Variants in THADA observed in about 807,000 individuals in gnomAD.
The protein encoded by THADA is tRNA (32-2'-O)-methyltransferase regulator THADA.
A neutral mutation model predicts 219.8 loss-of-function variants in THADA; 213 were observed. That is an observed-to-expected ratio of 0.97 (90% CI 0.87 to 1.09). THADA has a LOEUF of 1.09. Among genes scored for constraint, THADA ranks in the 50% least tolerant of loss-of-function variants. The pLI is 0.00. For synonymous variants in THADA, 1,018 were observed against 828.9 expected, an observed-to-expected ratio of 1.23 and a Z score of -3.92; for missense variants, 2,956 against 2,311.3, an observed-to-expected ratio of 1.28 and a Z score of -5.72.
At chr2:43,533,303 A>G (rs947890998) in intron 21 of THADA, among the ~76,000 whole-genome samples, 8 of 152,362 alleles carry the variant, frequency 5.3e-5, no homozygotes, top group African/African-American at 1.7e-4. Context: ...AGTGTAAATT[A>G]GTTCAACAGT....
At chr2:43,483,271 G>T (rs571772596) in intron 26 of THADA, among the ~76,000 whole-genome samples, 2 of 152,110 alleles carry the variant, frequency 1.3e-5, no homozygotes, top group African/African-American at 2.4e-5. Context: ...GATGAAAAAG[G>T]TCCTTCCTTC....
chr2:43,404,312 C>A (rs556506434), intron 28 of THADA, among the ~76,000 whole-genome samples: 2 of 152,126 alleles, frequency 1.3e-5, no homozygotes, highest in South Asian at 4.2e-4. Flanking sequence ...CCCACCTCAG[C>A]CTCCTGAATA....
chr2:43,293,031 C>A lies in THADA; in HGVS notation c.4621G>T (p.Val1541Phe), dbSNP rs760144479. 2.0e-5 allele frequency: 32 copies of A among 1,613,856 alleles called. 1 individual carries two copies. In the Middle Eastern group the frequency reaches 9.9e-4, roughly 50 times the overall value. ...AACAGCTGAGAGAAAGAGATGGGGA[C>A]ATTCGTCTCCCGCTCTCCACTCTTG... ...AAKSGERETN[V>F]PISFSQLLES... The change falls in exon 32 of 38, where the codon GTC becomes TTC. Residue 1541 changes from valine to phenylalanine, a missense_variant. By Grantham distance (50) the Val-to-Phe change is conservative (BLOSUM62 -1). Transcript: ENST00000405975.
At chr2:43,534,944 T>C (rs1694357132) in intron 21 of THADA, among the ~76,000 whole-genome samples, 1 of 152,142 alleles carries the variant, frequency 6.6e-6, no homozygotes, top group Admixed American at 6.5e-5. Context: ...GTAGCTATAC[T>C]AGTTTACACT....
intron 30 of THADA, among the ~76,000 whole-genome samples, chr2:43,334,954 C>T (rs930186533): frequency 1.3e-5 from 2 of 152,112 alleles, no homozygotes; most frequent in Non-Finnish European, 2.9e-5. Context: ...CTTCAGTAGC[C>T]TCAGCCCTCT....
chr2:43,363,569 T>C (rs1669765834), intron 29 of THADA, among the ~76,000 whole-genome samples: 1 of 152,226 alleles, frequency 6.6e-6, no homozygotes, highest in South Asian at 2.1e-4. Context: ...AGATTTCTCA[T>C]CTGATCCAGA....
chr2:43,341,108 C>T (rs534074741), intron 30 of THADA, among the ~76,000 whole-genome samples: 25 of 152,308 alleles, frequency 1.6e-4, no homozygotes, highest in Admixed American at 6.5e-4. Flanking sequence ...AGGCTCTGAA[C>T]ACATTCTGAT....
chr2:43,354,569 G>A (rs367848108), intron 29 of THADA, among the ~76,000 whole-genome samples: 1 of 151,746 alleles, frequency 6.6e-6, no homozygotes, highest in East Asian at 1.9e-4. Context: ...GAGTTCAATT[G>A]TTTTAATTTT....
At position 43,571,854 on chromosome 2, in the gene THADA, T is replaced by C. The variant is rs1219301574; in HGVS notation, c.1917A>G (p.Ile639Met). The stretch of plus-strand genomic sequence containing the variant: ...TTTCACAAAGCAAGCCTAATGTATC[T>C]ATCCTTACCTAAAAAACATCAAGCA... ...GLIHQHCQVR[I>M]DTLGLLCESN... Residue 639 changes from isoleucine (I) to methionine (M), a missense_variant, in exon 13 of 38, where the codon ATA (isoleucine) becomes ATG (methionine). By Grantham distance (10) the Ile-to-Met change is conservative. Transcript: ENST00000405975. 6 of 1,611,478 alleles carry C rather than the reference T, an allele frequency of 3.7e-6. No individual in the cohort carries two copies. The highest frequency in any genetic ancestry group is 2.7e-5 in the African/African-American group (2 of 74,744).
intron 26 of THADA, among the ~76,000 whole-genome samples, chr2:43,438,233 C>T (rs111806429): frequency 0.014 from 1,844 of 136,088 alleles, 16 homozygotes; most frequent in Middle Eastern, 0.032. Flanking sequence ...ACCCAGGAGG[C>T]GGAGCTTGCA....
intron 22 of THADA, among the ~76,000 whole-genome samples, chr2:43,521,103 AGG>A: frequency 8.9e-6 from 1 of 111,956 alleles, no homozygotes; most frequent in Middle Eastern, 4.3e-3. Context: ...GAGGAAAGAG[AGG>A]GAAGGGAGGG....
intron 24 of THADA, among the ~76,000 whole-genome samples, chr2:43,503,150 CA>C (rs199576190): frequency 0.012 from 1,872 of 152,250 alleles, 24 homozygotes; most frequent in Admixed American, 0.017. Context: ...ACTTTGGAGA[CA>C]ACATAACAGC....
At chr2:43,463,355 G>C (rs1476566243) in intron 26 of THADA, 2 of 152,148 alleles carry the variant, frequency 1.3e-5, no homozygotes, top group East Asian at 1.9e-4. Flanking sequence ...TGGAAATCTT[G>C]GCTGGCAGCT....
At position 43,552,222 on chromosome 2, in the gene THADA, A is replaced by C; in HGVS notation, c.2792T>G (p.Leu931Trp). 3 of 1,608,696 alleles carry C rather than the reference A, an allele frequency of 1.9e-6. No homozygotes were observed. Among genetic ancestry groups the C allele is most frequent in the Non-Finnish European group, 2.5e-6 (3 of 1,178,434 alleles). Reference sequence around the variant, plus strand: ...TCCTTACTTTAGAGATAACTTCTGCAAAGCTCCTGTTATACAGTGGACTCG... The same window carrying C: ...TCCTTACTTTAGAGATAACTTCTGCCAAGCTCCTGTTATACAGTGGACTCG... Reference protein sequence around the residue: ...YGRVHCITGALQKLSLNSLQL... With the variant: ...YGRVHCITGAWQKLSLNSLQL... Residue 931 changes from leucine (L) to tryptophan (W), a missense_variant, in exon 18 of 38, where the codon TTG becomes TGG. By Grantham distance (61) the Leu-to-Trp change is moderately conservative. Transcript: ENST00000405975.
At chr2:43,383,186 T>C (rs1672245088) in intron 29 of THADA, among the ~76,000 whole-genome samples, 6 of 152,160 alleles carry the variant, frequency 3.9e-5, no homozygotes, top group Admixed American at 3.9e-4. Flanking sequence ...TAATAAAAGA[T>C]GCATCTAACC....
chr2:43,492,666 C>A (rs907100497), intron 25 of THADA, among the ~76,000 whole-genome samples: 1 of 152,130 alleles, frequency 6.6e-6, no homozygotes, highest in Non-Finnish European at 1.5e-5. Context: ...GGTTCTAATT[C>A]GCCTTCCATC....
chr2:43,548,528 G>A (rs933030367), intron 20 of THADA, among the ~76,000 whole-genome samples: 1 of 152,312 alleles, frequency 6.6e-6, no homozygotes, highest in Middle Eastern at 3.4e-3. Context: ...CACCCAGTTC[G>A]AGCTTCCTGC....
intron 36 of THADA, among the ~76,000 whole-genome samples, chr2:43,270,082 T>A (rs780724791): frequency 6.6e-6 from 1 of 152,158 alleles, no homozygotes; most frequent in Non-Finnish European, 1.5e-5. Flanking sequence ...TCTGGATTAT[T>A]CTCAGGGGGC....
intron 36 of THADA, among the ~76,000 whole-genome samples, chr2:43,242,482 A>T (rs1417778379): frequency 6.6e-6 from 1 of 152,024 alleles, no homozygotes; most frequent in Non-Finnish European, 1.5e-5. Context: ...TCCAGCACCT[A>T]TATTCTTTTT....
Sources: allele counts gnomAD v4.1 joint callset (sites outside exome capture counted in the v4.1 genomes callset), GRCh38; gene constraint gnomAD v4.1.1; transcripts MANE v1.5; gene names NCBI Gene and HGNC (gene_info 2026-07-23, HGNC 2026-07-21).